Variants in RYR2 observed in about 807,000 individuals in gnomAD.
RYR2 encodes the protein cardiac muscle ryanodine receptor-calcium release channel.
In RYR2, 227 loss-of-function variants were observed where a neutral mutation model predicts 601.1. That is an observed-to-expected ratio of 0.38 (90% CI 0.34 to 0.42). The LOEUF (loss-of-function observed/expected upper bound fraction) is 0.42. RYR2 is among the 10% of genes least tolerant of loss of function. The pLI is 1.00. For synonymous variants in RYR2, 2,223 were observed against 2,175.1 expected, an observed-to-expected ratio of 1.02 and a Z score of -0.61; for missense variants, 4,646 against 6,156.5, an observed-to-expected ratio of 0.75 and a Z score of 8.21.
At chr1:237,647,379 G>A (rs1031496594) in intron 48 of RYR2, among the ~76,000 whole-genome samples, 3 of 152,204 alleles carry the variant, frequency 2.0e-5, no homozygotes, top group East Asian at 1.9e-4. Flanking sequence ...TGCAGTACCC[G>A]ACAACAGCAC....
intron 17 of RYR2, among the ~76,000 whole-genome samples, chr1:237,485,128 C>T (rs567340419): frequency 6.6e-6 from 1 of 150,944 alleles, no homozygotes; most frequent in African/African-American, 2.5e-5. Flanking sequence ...AATATAAATT[C>T]CCTATGTTGT....
At chr1:237,079,756 T>G (rs1665397947) in intron 1 of RYR2, among the ~76,000 whole-genome samples, 1 of 143,052 alleles carries the variant, frequency 7.0e-6, no homozygotes, top group Non-Finnish European at 1.5e-5. Context: ...AATGCCTTTC[T>G]TCACAGAATT....
At chr1:237,138,238 G>T (rs1311987803) in intron 1 of RYR2, among the ~76,000 whole-genome samples, 2 of 152,192 alleles carry the variant, frequency 1.3e-5, no homozygotes, top group South Asian at 2.1e-4. Flanking sequence ...TTGCCATGTT[G>T]CCCAGGCTGG....
intron 37 of RYR2, among the ~76,000 whole-genome samples, chr1:237,615,521 C>T (rs1018125422): frequency 3.3e-5 from 5 of 152,284 alleles, no homozygotes; most frequent in African/African-American, 1.2e-4. Context: ...GAATCAGACA[C>T]ACTGGCTGTC....
At chr1:237,767,353 A>T (rs575164541) in intron 84 of RYR2, among the ~76,000 whole-genome samples, 1 of 152,272 alleles carries the variant, frequency 6.6e-6, no homozygotes, top group East Asian at 1.9e-4. Context: ...ATAATACTGA[A>T]ATTATCTGTT....
chr1:237,137,682 C>A (rs1395768287), intron 1 of RYR2, among the ~76,000 whole-genome samples: 1 of 152,094 alleles, frequency 6.6e-6, no homozygotes, highest in Non-Finnish European at 1.5e-5. Context: ...TAGGAAGGAT[C>A]AAAGGAAGAT....
rs1665321806 is a variant in RYR2, at chr1:237,506,910, C to A, written c.2718+96C>A. 3.0e-6 allele frequency: 3 copies of A among 1,006,952 alleles called. No homozygotes were observed. The Admixed American group carries it at 6.1e-5, about 21-fold the overall frequency. The allele number at this position is 1,006,952 out of a possible 1,614,324, so 62.4% of individuals were successfully genotyped here. A position where few individuals can be genotyped will look rare whatever the true frequency, so the allele number is the denominator to read the frequency against. ...TTTCCCGCTATGGGGTGACATCAAT[C>A]AGTTAGTTGGATTGATTTTTTTCCC... On this transcript the variant is annotated intron_variant, in intron 23 of 104. Transcript: ENST00000366574.
chr1:237,415,158 C>T (rs1045439422), intron 10 of RYR2, among the ~76,000 whole-genome samples: 46 of 152,160 alleles, frequency 3.0e-4, no homozygotes, highest in African/African-American at 1.0e-3. Context: ...CTTACTTAGA[C>T]TGTACTTTCC....
intron 1 of RYR2, among the ~76,000 whole-genome samples, chr1:237,179,510 C>G (rs1678460386): frequency 6.6e-6 from 1 of 151,790 alleles, no homozygotes; most frequent in African/African-American, 2.4e-5. Flanking sequence ...AGGAGAAGAA[C>G]TGGTATTTAT....
chr1:237,491,095 CTCT>C (rs1663280973), intron 17 of RYR2, among the ~76,000 whole-genome samples: 1 of 152,076 alleles, frequency 6.6e-6, no homozygotes, highest in African/African-American at 2.4e-5. Context: ...AATTTATTTT[CTCT>C]TCTTTCCTTT....
chr1:237,735,137 G>C (rs1158585042), intron 79 of RYR2, among the ~76,000 whole-genome samples: 1 of 152,144 alleles, frequency 6.6e-6, no homozygotes, highest in Non-Finnish European at 1.5e-5. Context: ...AGCAAGGTAG[G>C]GATTGAAAAT....
chr1:237,533,805 A>T (rs922350764), intron 25 of RYR2, among the ~76,000 whole-genome samples: 1 of 152,174 alleles, frequency 6.6e-6, no homozygotes, highest in African/African-American at 2.4e-5. Context: ...ATAGGCAGGG[A>T]TGTAAGATGG....
At chr1:237,765,550 A>G (rs1693785541) in intron 84 of RYR2, among the ~76,000 whole-genome samples, 1 of 152,232 alleles carries the variant, frequency 6.6e-6, no homozygotes, top group Non-Finnish European at 1.5e-5. Flanking sequence ...GAAGCAACAC[A>G]AATTGATTAA....
At chr1:237,095,629 C>T (rs1449867238) in intron 1 of RYR2, among the ~76,000 whole-genome samples, 3 of 152,222 alleles carry the variant, frequency 2.0e-5, no homozygotes, top group Non-Finnish European at 4.4e-5. Context: ...AGCTAACCTT[C>T]AGTGTTCCGT....
At chr1:237,178,624 T>C (rs1024579429) in intron 1 of RYR2, among the ~76,000 whole-genome samples, 1 of 151,982 alleles carries the variant, frequency 6.6e-6, no homozygotes, top group Non-Finnish European at 1.5e-5. Flanking sequence ...CTGGGCAACA[T>C]AGTGATACCC....
chr1:237,522,317 A>G (rs1667170443), intron 24 of RYR2, among the ~76,000 whole-genome samples: 1 of 152,216 alleles, frequency 6.6e-6, no homozygotes, highest in Admixed American at 6.5e-5. Flanking sequence ...AAATCACACA[A>G]AGAAATCTCA....
chr1:237,543,203 G>T (rs1197093585), intron 25 of RYR2, among the ~76,000 whole-genome samples: 1 of 152,132 alleles, frequency 6.6e-6, no homozygotes, highest in Non-Finnish European at 1.5e-5. Context: ...CTTCTTGAGA[G>T]CAGTGGATAC....
At chr1:237,147,943 C>T (rs2148795104) in intron 1 of RYR2, among the ~76,000 whole-genome samples, 1 of 152,330 alleles carries the variant, frequency 6.6e-6, no homozygotes, top group Non-Finnish European at 1.5e-5. Flanking sequence ...TTGATTTGGC[C>T]TTGGCCTTTT....
chr1:237,793,613 T>G (rs535944003), intron 94 of RYR2, among the ~76,000 whole-genome samples: 1 of 152,358 alleles, frequency 6.6e-6, no homozygotes, highest in Admixed American at 6.5e-5. Flanking sequence ...ATTTCACTAG[T>G]GTAATTATCT....
Sources: allele counts gnomAD v4.1 joint callset (sites outside exome capture counted in the v4.1 genomes callset), GRCh38; gene constraint gnomAD v4.1.1; transcripts MANE v1.5; gene names NCBI Gene and HGNC (gene_info 2026-07-23, HGNC 2026-07-21).